The following RBFOX1 variants were observed in gnomAD, a reference collection of about 807,000 sequenced individuals.
RBFOX1 encodes RNA binding protein fox-1 homolog 1.
A neutral mutation model predicts 57.7 loss-of-function variants in RBFOX1; 8 were observed. That is an observed-to-expected ratio of 0.14 (90% CI 0.08 to 0.25). The LOEUF is 0.25. Ranked by LOEUF, RBFOX1 falls within the 10% of genes least tolerant of loss-of-function variation. The pLI is 1.00. For missense variants in RBFOX1, 611 were observed against 548.5 expected (o/e 1.11, Z -1.14); for synonymous variants, 326 against 222.4 (o/e 1.47, Z -4.15).
chr16:7,302,486 A>C (rs1237125314), intron 4 of RBFOX1, among the ~76,000 whole-genome samples: 1 of 152,028 alleles, frequency 6.6e-6, no homozygotes, highest in African/African-American at 2.4e-5. Context: ...GTTCTGCCCC[A>C]AATATTCTTT....
At chr16:7,273,252 T>TTCTTCCCTC (rs2095372429) in intron 4 of RBFOX1, among the ~76,000 whole-genome samples, 1 of 96,494 alleles carries the variant, frequency 1.0e-5, no homozygotes, top group Non-Finnish European at 2.0e-5. Flanking sequence ...CTTCCTTCCT[T>TTCTTCCCTC]CCTTCCTTCC....
chr16:5,936,441 T>A (rs1207856557), intron 4 of RBFOX1, among the ~76,000 whole-genome samples: 1 of 152,060 alleles, frequency 6.6e-6, no homozygotes, highest in Non-Finnish European at 1.5e-5. Flanking sequence ...AGGAATTTTG[T>A]TTGGAAAAAT....
intron 1 of RBFOX1, among the ~76,000 whole-genome samples, chr16:5,439,574 T>A (rs1185870579): frequency 6.6e-6 from 1 of 151,768 alleles, no homozygotes; most frequent in South Asian, 2.1e-4. Context: ...GCATGAGGAA[T>A]GAGAAGGCAG....
At chr16:5,349,888 A>C (rs1390942270) in intron 1 of RBFOX1, among the ~76,000 whole-genome samples, 1 of 152,102 alleles carries the variant, frequency 6.6e-6, no homozygotes, top group Admixed American at 6.5e-5. Flanking sequence ...GCCAGGAAAC[A>C]CATGTGCACC....
intron 4 of RBFOX1, among the ~76,000 whole-genome samples, chr16:7,482,558 T>TC (rs1241649646): frequency 6.8e-6 from 1 of 146,720 alleles, no homozygotes; most frequent in African/African-American, 2.6e-5. Context: ...TTTTTTTTTT[T>TC]TTTTTTTTTT....
intron 4 of RBFOX1, among the ~76,000 whole-genome samples, chr16:7,097,779 A>C (rs1237076479): frequency 6.6e-6 from 1 of 152,230 alleles, no homozygotes; most frequent in Admixed American, 6.5e-5. Flanking sequence ...TTCTGATGAA[A>C]AGAGGGAGAA....
intron 4 of RBFOX1, among the ~76,000 whole-genome samples, chr16:7,377,540 C>T (rs900562979): frequency 1.3e-5 from 2 of 152,178 alleles, no homozygotes; most frequent in African/African-American, 4.8e-5. Context: ...AACCCTTGTG[C>T]TCTGGAATCT....
At chr16:5,990,439 C>T (rs984011105) in intron 4 of RBFOX1, among the ~76,000 whole-genome samples, 4 of 152,202 alleles carry the variant, frequency 2.6e-5, no homozygotes, top group Non-Finnish European at 5.9e-5. Flanking sequence ...TATTCACATT[C>T]GAGGATCCCC....
chr16:7,073,320 T>C (rs2057705270), intron 4 of RBFOX1, among the ~76,000 whole-genome samples: 1 of 152,192 alleles, frequency 6.6e-6, no homozygotes, highest in Non-Finnish European at 1.5e-5. Context: ...ATCCCTTCCC[T>C]ATATGAAGGG....
At chr16:6,518,880 T>C (rs2096445090) in intron 2 of RBFOX1, among the ~76,000 whole-genome samples, 1 of 151,982 alleles carries the variant, frequency 6.6e-6, no homozygotes, top group Non-Finnish European at 1.5e-5. Flanking sequence ...ACGTGCCCCG[T>C]TCTTCCCTGG....
At chr16:5,728,888 T>G (rs1461759180) in intron 3 of RBFOX1, among the ~76,000 whole-genome samples, 1 of 152,130 alleles carries the variant, frequency 6.6e-6, no homozygotes, top group Non-Finnish European at 1.5e-5. Flanking sequence ...CCTGTCAAAA[T>G]CTCTTCTTGT....
chr16:7,214,683 C>T (rs1404536053), intron 4 of RBFOX1, among the ~76,000 whole-genome samples: 1 of 152,058 alleles, frequency 6.6e-6, no homozygotes, highest in Admixed American at 6.5e-5. Context: ...ACATAAAATC[C>T]AGAACCCTTC....
intron 4 of RBFOX1, among the ~76,000 whole-genome samples, chr16:5,925,991 A>G (rs1295498561): frequency 6.6e-6 from 1 of 152,124 alleles, no homozygotes; most frequent in Non-Finnish European, 1.5e-5. Flanking sequence ...TCTGTTTACT[A>G]CAGGTGTGGT....
At chr16:5,418,178 A>G (rs1432280246) in intron 1 of RBFOX1, among the ~76,000 whole-genome samples, 1 of 152,252 alleles carries the variant, frequency 6.6e-6, no homozygotes, top group East Asian at 1.9e-4. Context: ...TCTTATGCCC[A>G]TCTTTAAAAG....
intron 3 of RBFOX1, chr16:5,616,331 C>G (rs922343595): frequency 6.6e-6 from 1 of 152,340 alleles, no homozygotes; most frequent in Non-Finnish European, 1.5e-5. Context: ...ACTCCGGACA[C>G]CGCCCCTGGG....
rs561577538 is a variant in RBFOX1 at position 5,424,859 on chromosome 16, C to A, written c.220-42357C>A. On this transcript the variant is annotated intron_variant, in intron 1 of 2. Transcript: ENST00000585867. Reference sequence around the variant, plus strand: ...TTTCTTTCTTTCTTTCTCTCTCTCTCTTCTTTCTTTCTTTTTTTTCTTTCT... The same window carrying A: ...TTTCTTTCTTTCTTTCTCTCTCTCTATTCTTTCTTTCTTTTTTTTCTTTCT... Among the ~76,000 whole-genome samples the A allele has an allele frequency of 1.7e-3, 243 of 143,234 alleles. 11 individuals are homozygous for A. In the Middle Eastern group the frequency reaches 0.017, roughly 10 times the overall value. The allele number at this position is 143,234 out of a possible 152,430, so 94.0% of individuals were successfully genotyped here.
chr16:5,471,740 A>C (rs922464787), intron 2 of RBFOX1, among the ~76,000 whole-genome samples: 1 of 152,174 alleles, frequency 6.6e-6, no homozygotes. Context: ...TTCAGTGGCA[A>C]TAATTCTCTG....
chr16:6,672,982 C>G (rs1224116155), intron 3 of RBFOX1, among the ~76,000 whole-genome samples: 1 of 152,054 alleles, frequency 6.6e-6, no homozygotes, highest in Non-Finnish European at 1.5e-5. Flanking sequence ...CCCTGAAGTG[C>G]TGATATGAAG....
chr16:5,246,802 C>T (rs1389946470), intron 1 of RBFOX1, among the ~76,000 whole-genome samples: 1 of 151,918 alleles, frequency 6.6e-6, no homozygotes, highest in Admixed American at 6.6e-5. Context: ...TCCTGAGTAT[C>T]TGGGAGTACA....
Sources: allele counts gnomAD v4.1 joint callset (sites outside exome capture counted in the v4.1 genomes callset), GRCh38; gene constraint gnomAD v4.1.1; transcripts MANE v1.5; gene names NCBI Gene and HGNC (gene_info 2026-07-23, HGNC 2026-07-21).